Variants in TRIM38 observed in about 807,000 individuals in gnomAD.
The protein encoded by TRIM38 is tripartite motif containing 38.
TRIM38 carries 35 observed loss-of-function variants against 35.8 expected under a neutral mutation model. The observed-to-expected ratio is 0.98, with a 90% CI of 0.75 to 1.30. The LOEUF (loss-of-function observed/expected upper bound fraction) is 1.30, where lower values mean the gene tolerates loss of function less well. Among genes scored for constraint, TRIM38 ranks in the 50% most tolerant of loss-of-function variants. TRIM38 has a pLI of 0.00. For synonymous variants in TRIM38, 198 were observed against 204.7 expected (o/e 0.97, Z 0.28); for missense variants, 545 against 556.9 (o/e 0.98, Z 0.21).
At chr6:25,967,955 T>G (rs534953825) in intron 3 of TRIM38, among the ~76,000 whole-genome samples, 3 of 152,132 alleles carry the variant, frequency 2.0e-5, no homozygotes, top group Non-Finnish European at 4.4e-5. Context: ...TGGAAATGCT[T>G]GGTTGTGGAA....
Position 25,971,901 on chromosome 6 carries a change from G to T in TRIM38, c.540G>T (p.Arg180=), listed in dbSNP as rs1233876889. 5 of 1,614,136 alleles carry T rather than the reference G, an allele frequency of 3.1e-6. No individual in the cohort carries two copies. The South Asian group carries it at 3.3e-5, about 11-fold the overall frequency. The change falls in exon 5 of 8, where the codon CGG becomes CGT. Residue 180 remains arginine, a synonymous_variant. Transcript: ENST00000357085. The stretch of plus-strand genomic sequence containing the variant: ...TACAGATTCAGAGACAAAAAATCCG[G>T]TCTGACTTTAAGAATCTCCAGTGTT... ...EKVQIQRQKI[R]SDFKNLQCFL...
chr6:25,973,006 G>A, intron 5 of TRIM38, 48 bp from the exon 6 acceptor site: 2 of 1,613,322 alleles, frequency 1.2e-6, no homozygotes, highest in Non-Finnish European at 1.7e-6. Flanking sequence ...CAAGCCCCAT[G>A]AAATACCGAT....
rs1273319550 is a variant in TRIM38, at chr6:25,983,603, G to T, written c.1314G>T (p.Pro438=). The change falls in exon 8 of 8, where the codon CCG becomes CCT. Residue 438 remains proline (P), a synonymous_variant. Coordinates refer to ENST00000357085, the MANE Select transcript of TRIM38 (RefSeq NM_006355.5). The part of the protein sequence containing the change: ...GNTGCHIFTF[P]KASFSDTLRP... ...CTGGCTGCCACATCTTTACTTTCCC[G>T]AAGGCTTCCTTCTCTGATACTCTCC... 3.1e-6 allele frequency: 5 copies of T among 1,613,898 alleles called. No homozygotes were observed. The highest frequency in any genetic ancestry group is 4.2e-6 in the Non-Finnish European group (5 of 1,180,014).
chr6:25,962,950 AAT>A (rs1348200429), intron 1 of TRIM38, 95 bp downstream of exon 1: 1 of 152,518 alleles, frequency 6.6e-6, no homozygotes, highest in Non-Finnish European at 1.5e-5. Context: ...TGGGGTGGGG[AAT>A]ATATTTCGTG....
chr6:25,975,590 A>C (rs943635268), intron 7 of TRIM38: 1 of 980,044 alleles, frequency 1.0e-6, no homozygotes, highest in Non-Finnish European at 1.2e-6. Flanking sequence ...AGATGCAACA[A>C]ATACATTTTA....
At position 25,990,601 on chromosome 6, in the gene TRIM38, G is replaced by A. The variant is rs1007556325; in HGVS notation, c.*6914G>A. On this transcript the variant is annotated 3_prime_UTR_variant, in exon 8 of 8. Transcript: ENST00000357085. Reference sequence around the variant, plus strand: ...TTACAGGCTTGAGCCACCATGCCTCGCTTCTACACTTATTTTTAATTCTAA... The same window carrying A: ...TTACAGGCTTGAGCCACCATGCCTCACTTCTACACTTATTTTTAATTCTAA... 1.3e-5 allele frequency: 2 copies of A among 150,892 alleles called. No individual in the cohort carries two copies. The highest frequency in any genetic ancestry group is 3.0e-5 in the Non-Finnish European group (2 of 67,740). 9.3% of individuals were successfully genotyped at this position (150,892 alleles called of 1,614,324 possible). A position where few individuals can be genotyped will look rare whatever the true frequency, so the allele number is the denominator to read the frequency against.
At chr6:25,970,300 A>G (rs569316065) in intron 4 of TRIM38, among the ~76,000 whole-genome samples, 41 of 152,334 alleles carry the variant, frequency 2.7e-4, no homozygotes, top group African/African-American at 7.5e-4. Flanking sequence ...TCCGTGGCTG[A>G]CTAACCTCCA....
Position 25,966,811 on chromosome 6 carries a change from G to A in TRIM38, c.289G>A (p.Gly97Arg), listed in dbSNP as rs780755815. The change falls in exon 3 of 8, where the codon GGA becomes AGA. Residue 97 changes from glycine to arginine, a missense_variant. By Grantham distance (125) the Gly-to-Arg change is moderately radical (BLOSUM62 -2). Transcript: ENST00000357085. ...TDQEMSCEEH[G>R]EQFHLFCEDE... ...TCAAGAAATGTCATGTGAGGAACACGGAGAGCAGTTCCACCTGTTCTGCGA... is the reference window on the plus strand; with the variant it reads ...TCAAGAAATGTCATGTGAGGAACACAGAGAGCAGTTCCACCTGTTCTGCGA... 2.6e-5 allele frequency: 42 copies of A among 1,614,058 alleles called. No individual in the cohort carries two copies. Among genetic ancestry groups the A allele is most frequent in the Non-Finnish European group, 3.3e-5 (39 of 1,180,054 alleles).
rs1760737701 is a variant in TRIM38, at chr6:25,987,228, TC to T, written c.*3545del. On this transcript the variant is annotated 3_prime_UTR_variant, in exon 8 of 8. Coordinates refer to ENST00000357085, the MANE Select transcript of TRIM38 (RefSeq NM_006355.5). ...CCCGCCCCCCGCCCGCCACACACCA[TC>T]CCCAAAAGGAAATTTCTAATCCAAT... The T allele has an allele frequency of 2.1e-5, 2 of 96,264 alleles. No individual in the cohort carries two copies. The highest frequency in any genetic ancestry group is 6.9e-4 in the South Asian group (2 of 2,886). The allele number at this position is 96,264 out of a possible 1,614,324, so 6.0% of individuals were successfully genotyped here.
At chr6:25,969,809 T>C (rs142130346) in intron 4 of TRIM38, among the ~76,000 whole-genome samples, 96 of 152,332 alleles carry the variant, frequency 6.3e-4, no homozygotes, top group Non-Finnish European at 1.1e-3. Flanking sequence ...CTCTCAACTT[T>C]ACAGGTACAG....
At chr6:25,976,712 C>G (rs1760404239) in intron 7 of TRIM38, among the ~76,000 whole-genome samples, 1 of 152,180 alleles carries the variant, frequency 6.6e-6, no homozygotes, top group Non-Finnish European at 1.5e-5. Context: ...AATGTTCCCT[C>G]CAGGGAGATA....
intron 7 of TRIM38, among the ~76,000 whole-genome samples, chr6:25,975,841 G>C (rs1763258908): frequency 6.6e-6 from 1 of 152,126 alleles, no homozygotes; most frequent in Non-Finnish European, 1.5e-5. Flanking sequence ...TTAGAACTTA[G>C]TTATTACAAT....
Position 25,986,565 on chromosome 6 carries a change from C to T in TRIM38, c.*2878C>T, listed in dbSNP as rs560706286. ...AGCTCCAACTAAATAATGTGGGGAACAAAAGAAAAAAGAAGATGATTTTAT... is the reference window on the plus strand; with the variant it reads ...AGCTCCAACTAAATAATGTGGGGAATAAAAGAAAAAAGAAGATGATTTTAT... On this transcript the variant is annotated 3_prime_UTR_variant, in exon 8 of 8. Transcript: ENST00000357085. 1.8e-4 allele frequency: 25 copies of T among 137,086 alleles called. No individual in the cohort carries two copies. In the East Asian group the frequency reaches 5.1e-3, roughly 28 times the overall value. The allele number at this position is 137,086 out of a possible 1,614,324, so 8.5% of individuals were successfully genotyped here.
At chr6:25,973,014 G>T (rs762597398) in intron 5 of TRIM38, 40 bp from the exon 6 acceptor site, 1 of 1,613,818 alleles carries the variant, frequency 6.2e-7, no homozygotes. Context: ...ATGAAATACC[G>T]ATGTTCCCAT....
chr6:25,981,975 T>C (rs948019635), intron 7 of TRIM38, among the ~76,000 whole-genome samples: 16 of 152,272 alleles, frequency 1.1e-4, no homozygotes, highest in Admixed American at 9.8e-4. Context: ...TACATGTTGT[T>C]AGAAGAGCTG....
chr6:25,990,008 C>CCT lies in TRIM38; in HGVS notation c.*6321_*6322insCT, dbSNP rs1760802027. 1 of 143,504 alleles carries CCT rather than the reference C, an allele frequency of 7.0e-6. No individual in the cohort carries two copies. The highest frequency in any genetic ancestry group is 2.0e-4 in the East Asian group (1 of 4,906). 8.9% of individuals were successfully genotyped at this position (143,504 alleles called of 1,614,324 possible). A position where few individuals can be genotyped will look rare whatever the true frequency, so the allele number is the denominator to read the frequency against. On this transcript the variant is annotated 3_prime_UTR_variant, in exon 8 of 8. Coordinates refer to ENST00000357085, the MANE Select transcript of TRIM38 (RefSeq NM_006355.5). ...TTTCAATATTGTCTACTTTATCATCCTTTTTTTTTTTTTCTTTCTTCCTTT... is the reference window on the plus strand; with the variant it reads ...TTTCAATATTGTCTACTTTATCATCCCTTTTTTTTTTTTTTCTTTCTTCCTTT...
chr6:25,989,481 C>A lies in TRIM38; in HGVS notation c.*5794C>A, dbSNP rs1389786502. On this transcript the variant is annotated 3_prime_UTR_variant, in exon 8 of 8. Coordinates refer to ENST00000357085, the MANE Select transcript of TRIM38 (RefSeq NM_006355.5). Reference sequence around the variant, plus strand: ...TTTTTCAAATTTTGAATTAATTGATCTTTGCTATTGTTAGCAAGGTCTTGT... The same window carrying A: ...TTTTTCAAATTTTGAATTAATTGATATTTGCTATTGTTAGCAAGGTCTTGT... The A allele has an allele frequency of 8.4e-6, 1 of 119,722 alleles. No homozygotes were observed. The highest frequency in any genetic ancestry group is 3.0e-5 in the African/African-American group (1 of 33,026). The allele number at this position is 119,722 out of a possible 1,614,324, so 7.4% of individuals were successfully genotyped here. A position where few individuals can be genotyped will look rare whatever the true frequency, so the allele number is the denominator to read the frequency against.
Position 25,983,901 on chromosome 6 carries a change from G to A in TRIM38, c.*214G>A. ...GTTAACCTGGACTGGGGCAAAGCAAGATAATAGTGATGATCGTATGTTGCT... is the reference window on the plus strand; with the variant it reads ...GTTAACCTGGACTGGGGCAAAGCAAAATAATAGTGATGATCGTATGTTGCT... On this transcript the variant is annotated 3_prime_UTR_variant, in exon 8 of 8. Coordinates refer to ENST00000357085, the MANE Select transcript of TRIM38 (RefSeq NM_006355.5). 2.0e-6 allele frequency: 1 copy of A among 502,064 alleles called. No homozygotes were observed. Among genetic ancestry groups the A allele is most frequent in the Non-Finnish European group, 3.5e-6 (1 of 288,084 alleles). The allele number at this position is 502,064 out of a possible 1,614,324, so 31.1% of individuals were successfully genotyped here.
In TRIM38 at chr6:25,990,152, G is replaced by A. The variant is rs1212813549; in HGVS notation, c.*6465G>A. ...GTTTTATCTACAGTTTTGTTGTTTTGTTCTGCTACAGGATATTTGCAATTG... is the reference window on the plus strand; with the variant it reads ...GTTTTATCTACAGTTTTGTTGTTTTATTCTGCTACAGGATATTTGCAATTG... On this transcript the variant is annotated 3_prime_UTR_variant, in exon 8 of 8. Transcript: ENST00000357085. The A allele has an allele frequency of 6.6e-6, 1 of 151,098 alleles. No individual in the cohort carries two copies. The highest frequency in any genetic ancestry group is 1.5e-5 in the Non-Finnish European group (1 of 67,856). The allele number at this position is 151,098 out of a possible 1,614,324, so 9.4% of individuals were successfully genotyped here. A position where few individuals can be genotyped will look rare whatever the true frequency, so the allele number is the denominator to read the frequency against.
Sources: gnomAD v4.1 joint callset for allele counts (sites outside exome capture counted in the v4.1 genomes callset) on GRCh38, gnomAD v4.1.1 for gene constraint, MANE v1.5 for transcripts, NCBI Gene and HGNC (gene_info 2026-07-23, HGNC 2026-07-21) for gene names.